Variants in ROBO2 observed in about 807,000 individuals in gnomAD.
ROBO2 encodes roundabout guidance receptor 2.
Under a neutral mutation model 160.8 loss-of-function variants are expected in ROBO2, and 53 were observed. The observed-to-expected ratio is 0.33, with a 90% CI of 0.26 to 0.41. The LOEUF is 0.41. Ranked by LOEUF, ROBO2 falls within the 10% of genes least tolerant of loss-of-function variation. The pLI is 1.00. For missense variants in ROBO2, 1,577 were observed against 1,722.4 expected (o/e 0.92, Z 1.49); for synonymous variants, 664 against 611.7 (o/e 1.09, Z -1.26).
At chr3:76,783,395 T>G (rs2062775585) in intron 2 of ROBO2, among the ~76,000 whole-genome samples, 1 of 143,860 alleles carries the variant, frequency 7.0e-6, no homozygotes, top group South Asian at 2.2e-4. Context: ...AACTCTTCAT[T>G]TCATTTCTTG....
At chr3:77,387,865 C>T (rs1207461652) in intron 2 of ROBO2, among the ~76,000 whole-genome samples, 3 of 152,048 alleles carry the variant, frequency 2.0e-5, no homozygotes, top group Non-Finnish European at 2.9e-5. Context: ...AGTAATGTGG[C>T]CATACCATTC....
intron 2 of ROBO2, among the ~76,000 whole-genome samples, chr3:76,948,877 TATATATATA>T (rs1559749499): frequency 0.011 from 532 of 49,044 alleles, 10 homozygotes; most frequent in African/African-American, 0.032. Context: ...GCTAATTTTA[TATATATATA>T]TATATATATA....
At chr3:76,405,632 T>C (rs2078083594) in intron 2 of ROBO2, among the ~76,000 whole-genome samples, 1 of 151,728 alleles carries the variant, frequency 6.6e-6, no homozygotes, top group South Asian at 2.1e-4. Flanking sequence ...AAAATTATCA[T>C]TAAGAACTAA....
chr3:77,208,860 T>G (rs2083752005), intron 2 of ROBO2, among the ~76,000 whole-genome samples: 1 of 152,264 alleles, frequency 6.6e-6, no homozygotes, highest in South Asian at 2.1e-4. Flanking sequence ...CAGATGACAT[T>G]GGGCTGTGTA....
intron 2 of ROBO2, among the ~76,000 whole-genome samples, chr3:76,203,597 G>A (rs979871576): frequency 1.5e-4 from 16 of 110,318 alleles, no homozygotes; most frequent in Middle Eastern, 7.4e-3. Flanking sequence ...CGGCTTCCCC[G>A]TCAAGAGATC....
rs79414123 is a variant in ROBO2 at position 76,034,375 on chromosome 3, G to A, written c.109+96773G>A. Among the ~76,000 whole-genome samples, 1,060 of 152,236 alleles carry A rather than the reference G, an allele frequency of 7.0e-3. 73 individuals carry two copies. In the East Asian group the frequency reaches 0.17, roughly 25 times the overall value. On this transcript the variant is annotated intron_variant, in intron 2 of 26. Coordinates refer to the ROBO2 transcript ENST00000487694. ...GCTGGTTAATTCAGAAGGACTAAATGCATCTATTTCTATTATATTTTTCTC... is the reference window on the plus strand; with the variant it reads ...GCTGGTTAATTCAGAAGGACTAAATACATCTATTTCTATTATATTTTTCTC...
At chr3:77,376,287 A>G (rs1581463706) in intron 2 of ROBO2, among the ~76,000 whole-genome samples, 1 of 149,968 alleles carries the variant, frequency 6.7e-6, no homozygotes, top group East Asian at 2.0e-4. Context: ...CCTGAGTAGC[A>G]GGTATTACAG....
At chr3:76,188,822 C>G (rs1701878203) in intron 2 of ROBO2, among the ~76,000 whole-genome samples, 1 of 151,964 alleles carries the variant, frequency 6.6e-6, no homozygotes, top group Non-Finnish European at 1.5e-5. Flanking sequence ...CAACTTTCTG[C>G]CTAGTATACA....
intron 4 of ROBO2, among the ~76,000 whole-genome samples, chr3:77,486,570 A>C (rs1582378712): frequency 6.6e-6 from 1 of 152,132 alleles, no homozygotes; most frequent in Non-Finnish European, 1.5e-5. Context: ...TCTTCTTTTG[A>C]GAAGTGTCTG....
intron 1 of ROBO2, among the ~76,000 whole-genome samples, chr3:75,929,753 G>A (rs1271175407): frequency 1.3e-5 from 2 of 151,836 alleles, no homozygotes; most frequent in African/African-American, 2.4e-5. Flanking sequence ...GGAGTATAAT[G>A]GTGTGATCTC....
chr3:76,386,349 CCCT>C (rs2076886228), intron 2 of ROBO2, among the ~76,000 whole-genome samples: 2 of 125,630 alleles, frequency 1.6e-5, no homozygotes, highest in African/African-American at 6.5e-5. Flanking sequence ...CTCCCTCCCT[CCCT>C]CCCTCCCTTC....
intron 2 of ROBO2, among the ~76,000 whole-genome samples, chr3:76,458,871 T>C (rs1196929785): frequency 6.6e-6 from 1 of 152,094 alleles, no homozygotes; most frequent in Non-Finnish European, 1.5e-5. Flanking sequence ...CCAGCCCCCA[T>C]GATTGAATTA....
At chr3:76,999,355 T>G (rs2061213598) in intron 2 of ROBO2, among the ~76,000 whole-genome samples, 1 of 152,096 alleles carries the variant, frequency 6.6e-6, no homozygotes, top group Non-Finnish European at 1.5e-5. Context: ...CCCTTGTAGA[T>G]AGGTAACTGG....
rs115190745 is a variant in ROBO2 at position 77,373,639 on chromosome 3, G to A, written c.389-103775G>A. Among the ~76,000 whole-genome samples the A allele has an allele frequency of 6.6e-3, 1,010 of 152,134 alleles. 5 individuals carry two copies. Among genetic ancestry groups the A allele is most frequent in the Non-Finnish European group, 7.3e-3 (498 of 68,004 alleles). ...AATGGCTTATCTCCAGAAAAGCTGC[G>A]TCCTGGTGAAAAGGGGAACTGAGCA... is the stretch of plus-strand genomic sequence containing the variant. On this transcript the variant is annotated intron_variant, in intron 2 of 25. Transcript: ENST00000461745.
intron 2 of ROBO2, among the ~76,000 whole-genome samples, chr3:77,350,714 A>G (rs2068237374): frequency 2.0e-5 from 3 of 152,292 alleles, no homozygotes; most frequent in South Asian, 4.1e-4. Flanking sequence ...AGTAGCTGCC[A>G]TTGTTTTGGC....
chr3:77,316,849 T>G, intron 2 of ROBO2: 1 of 1,227,136 alleles, frequency 8.1e-7, no homozygotes, highest in Admixed American at 1.7e-5. Context: ...GATACCTGGC[T>G]GCAGGGTCTG....
intron 2 of ROBO2, among the ~76,000 whole-genome samples, chr3:76,854,043 T>C (rs1012231825): frequency 2.2e-5 from 2 of 89,318 alleles, no homozygotes; most frequent in African/African-American, 7.9e-5. Flanking sequence ...TCTCTCTCTC[T>C]CTCTCTCTCT....
At chr3:76,239,360 G>GTATATA (rs4054003) in intron 2 of ROBO2, among the ~76,000 whole-genome samples, 130 of 150,110 alleles carry the variant, frequency 8.7e-4, no homozygotes, top group East Asian at 1.4e-3. Context: ...ATACGTATAT[G>GTATATA]TATATATATA....
intron 2 of ROBO2, among the ~76,000 whole-genome samples, chr3:76,904,603 T>C (rs1302324468): frequency 1.3e-5 from 2 of 152,164 alleles, no homozygotes; most frequent in Non-Finnish European, 2.9e-5. Context: ...CCCTACCTGC[T>C]GGCAAATGAG....
Sources: gnomAD v4.1 joint callset for allele counts (sites outside exome capture counted in the v4.1 genomes callset) on GRCh38, gnomAD v4.1.1 for gene constraint, MANE v1.5 for transcripts, NCBI Gene and HGNC (gene_info 2026-07-23, HGNC 2026-07-21) for gene names.